Variants in MROH2B observed in about 807,000 individuals in gnomAD.
MROH2B encodes maestro heat-like repeat-containing protein family member 2B.
Under a neutral mutation model 208.6 loss-of-function variants are expected in MROH2B, and 177 were observed. That is an observed-to-expected ratio of 0.85 (90% confidence interval 0.75 to 0.96). The LOEUF (loss-of-function observed/expected upper bound fraction) is 0.96, where lower values mean the gene tolerates loss of function less well. Among genes scored for constraint, MROH2B ranks in the 40% least tolerant of loss-of-function variants. MROH2B has a pLI of 0.00. For synonymous variants in MROH2B, 728 were observed against 659.0 expected (o/e 1.10, Z -1.60); for missense variants, 2,002 against 1,878.7 (o/e 1.07, Z -1.21).
At chr5:41,034,888 A>C (rs985317316) in intron 21 of MROH2B, among the ~76,000 whole-genome samples, 1 of 152,074 alleles carries the variant, frequency 6.6e-6, no homozygotes, top group East Asian at 1.9e-4. Flanking sequence ...GGATACAGTT[A>C]ACTAAGGTCA....
Position 41,049,193 on chromosome 5 carries a change from T to C in MROH2B, c.1502-52A>G, listed in dbSNP as rs185095774. 3.1e-6 allele frequency: 5 copies of C among 1,606,004 alleles called. No homozygotes were observed. In the East Asian group the frequency reaches 1.1e-4, roughly 36 times the overall value. ...TCACTGCAGGGGTTAGAGATTGGGGTTGGGTTTAAGGTCAAAGCACTGTAG... is the reference window on the plus strand; with the variant it reads ...TCACTGCAGGGGTTAGAGATTGGGGCTGGGTTTAAGGTCAAAGCACTGTAG... On this transcript the variant is annotated intron_variant, in intron 14 of 41. Transcript: ENST00000399564.
At chr5:41,035,190 T>C (rs907978801) in intron 21 of MROH2B, among the ~76,000 whole-genome samples, 11 of 152,098 alleles carry the variant, frequency 7.2e-5, no homozygotes, top group African/African-American at 2.7e-4. Flanking sequence ...CAAACTATAC[T>C]ATAAGGCTAT....
At chr5:41,046,772 C>T (rs1743134060) in intron 17 of MROH2B, among the ~76,000 whole-genome samples, 1 of 151,876 alleles carries the variant, frequency 6.6e-6, no homozygotes, top group African/African-American at 2.4e-5. Context: ...AAAATGGTAG[C>T]AGAAGGAAAT....
intron 40 of MROH2B, among the ~76,000 whole-genome samples, chr5:40,998,903 T>C (rs1442412284): frequency 6.6e-6 from 1 of 152,156 alleles, no homozygotes; most frequent in Non-Finnish European, 1.5e-5. Flanking sequence ...TTTGGCAGAG[T>C]TCACACAATG....
At chr5:41,043,700 C>T (rs1235646333) in intron 18 of MROH2B, among the ~76,000 whole-genome samples, 1 of 152,126 alleles carries the variant, frequency 6.6e-6, no homozygotes, top group African/African-American at 2.4e-5. Context: ...GTCCATGTCT[C>T]CTTACTATGG....
chr5:41,047,592 A>C, intron 17 of MROH2B, 129 bp downstream of exon 17: 1 of 829,060 alleles, frequency 1.2e-6, no homozygotes, highest in East Asian at 2.7e-5. Context: ...CTAACATTCT[A>C]ATTCTTTTCC....
intron 24 of MROH2B, among the ~76,000 whole-genome samples, chr5:41,027,942 A>G (rs1433431777): frequency 1.3e-5 from 2 of 152,162 alleles, no homozygotes; most frequent in African/African-American, 2.4e-5. Flanking sequence ...GCAAGGCCGA[A>G]AAACCAAACA....
chr5:41,021,978 C>T (rs1224303979), intron 24 of MROH2B, among the ~76,000 whole-genome samples: 1 of 152,118 alleles, frequency 6.6e-6, no homozygotes, highest in African/African-American at 2.4e-5. Flanking sequence ...CAAGACCATT[C>T]CATGGGGAAA....
chr5:41,029,086 C>A (rs1436586189), intron 24 of MROH2B, among the ~76,000 whole-genome samples: 1 of 152,092 alleles, frequency 6.6e-6, no homozygotes. Context: ...TTTACGTTCC[C>A]ACCAACAGTG....
At chr5:41,025,174 T>C (rs1341278113) in intron 24 of MROH2B, among the ~76,000 whole-genome samples, 1 of 151,278 alleles carries the variant, frequency 6.6e-6, no homozygotes, top group Non-Finnish European at 1.5e-5. Flanking sequence ...AGGCAAGAAA[T>C]AACTAAGATC....
chr5:41,034,234 C>G (rs1401401383), intron 21 of MROH2B, among the ~76,000 whole-genome samples: 1 of 152,092 alleles, frequency 6.6e-6, no homozygotes, highest in Non-Finnish European at 1.5e-5. Flanking sequence ...AATGAAAAGT[C>G]AAAGGGCAGC....
chr5:41,038,767 T>C lies in MROH2B; in HGVS notation c.2183A>G (p.Gln728Arg). The C allele has an allele frequency of 2.5e-6, 4 of 1,613,280 alleles. No homozygotes were observed. The highest frequency in any genetic ancestry group is 3.4e-6 in the Non-Finnish European group (4 of 1,179,558). Residue 728 changes from glutamine to arginine, a missense_variant, in exon 21 of 42, where the codon CAA becomes CGA. Gln to Arg is a conservative substitution (Grantham distance 43). Transcript: ENST00000399564. The stretch of plus-strand genomic sequence containing the variant: ...GCACTGGCCATGAAGAGACAGGACT[T>C]GGGATATGATATCTTGATTAAGTCT... ...LSRLNQDIIS[Q>R]VLSLHGQCSQ... is the part of the protein sequence containing the mutation.
intron 21 of MROH2B, 174 bp from the exon 22 acceptor site, chr5:41,034,038 A>C: frequency 1.0e-6 from 1 of 984,958 alleles, no homozygotes; most frequent in Non-Finnish European, 1.2e-6. Context: ...TTCCATTTTT[A>C]AAGTGAGACC....
intron 37 of MROH2B, 21 bp downstream of exon 37, chr5:41,004,325 T>G (rs1741498458): frequency 6.2e-7 from 1 of 1,607,760 alleles, no homozygotes. Flanking sequence ...GGGAGGGAAG[T>G]TCCTAAACAG....
intron 28 of MROH2B, among the ~76,000 whole-genome samples, chr5:41,017,426 G>T (rs74775741): frequency 0.04 from 6,150 of 152,238 alleles, 175 homozygotes; most frequent in Non-Finnish European, 0.062. Context: ...ATGTGATAGA[G>T]GAAGCATTGC....
At chr5:41,044,734 T>C (rs189190497) in intron 18 of MROH2B, among the ~76,000 whole-genome samples, 1 of 152,174 alleles carries the variant, frequency 6.6e-6, no homozygotes, top group African/African-American at 2.4e-5. Flanking sequence ...GAAAATTACA[T>C]ATGTGAGTTG....
At chr5:41,025,940 T>C (rs1375805871) in intron 24 of MROH2B, among the ~76,000 whole-genome samples, 1 of 152,114 alleles carries the variant, frequency 6.6e-6, no homozygotes, top group African/African-American at 2.4e-5. Flanking sequence ...AAAAACCCCA[T>C]GATTATCTCA....
intron 24 of MROH2B, among the ~76,000 whole-genome samples, chr5:41,022,156 A>G (rs1010351866): frequency 6.6e-6 from 1 of 152,096 alleles, no homozygotes; most frequent in Admixed American, 6.5e-5. Flanking sequence ...TGCATTTCCC[A>G]CTGAGGTACC....
In MROH2B at chr5:41,049,296, G is replaced by A. The variant is rs1372022866; in HGVS notation, c.1485C>T (p.Val495=). 1 of 1,613,434 alleles carries A rather than the reference G, an allele frequency of 6.2e-7. No homozygotes were observed. The highest frequency in any genetic ancestry group is 1.3e-5 in the African/African-American group (1 of 75,008). Residue 495 remains valine (V), a synonymous_variant, in exon 14 of 42, where the codon GTC becomes GTT. Coordinates refer to ENST00000399564, the MANE Select transcript of MROH2B (RefSeq NM_173489.5). The part of the protein sequence containing the change: ...QHSAKESTAL[V]VSTGAVKLPS... ...TGTACAGACCAGCTCCTGTAGAGAC[G>A]ACAAGTGCTGTCGACTCCTTGGCAC...
Sources: allele counts gnomAD v4.1 joint callset (sites outside exome capture counted in the v4.1 genomes callset), GRCh38; gene constraint gnomAD v4.1.1; transcripts MANE v1.5; gene names NCBI Gene and HGNC (gene_info 2026-07-23, HGNC 2026-07-21).